CPEB3: variants seen among roughly 807,000 people sequenced by gnomAD.
CPEB3 encodes cytoplasmic polyadenylation element-binding protein 3.
Under a neutral mutation model 67.2 loss-of-function variants are expected in CPEB3, and 20 were observed. The observed-to-expected ratio is 0.30, with a 90% CI of 0.21 to 0.43. The LOEUF (loss-of-function observed/expected upper bound fraction) is 0.43, where lower values mean the gene tolerates loss of function less well. CPEB3 is among the 20% of genes least tolerant of loss of function. The pLI is 1.00. For synonymous variants in CPEB3, 376 were observed against 393.1 expected (o/e 0.96, Z 0.51); for missense variants, 746 against 968.6 (o/e 0.77, Z 3.05).
At chr10:92,055,702 G>T (rs1433212987) in intron 9 of CPEB3, among the ~76,000 whole-genome samples, 1 of 151,924 alleles carries the variant, frequency 6.6e-6, no homozygotes, top group African/African-American at 2.4e-5. Context: ...AGTTTGTGAA[G>T]AGCTGAACAT....
chr10:92,147,077 G>T (rs1355934289), intron 4 of CPEB3, among the ~76,000 whole-genome samples: 1 of 152,168 alleles, frequency 6.6e-6, no homozygotes, highest in African/African-American at 2.4e-5. Context: ...TGGGGAAGGG[G>T]AAATGAAATA....
intron 1 of CPEB3, among the ~76,000 whole-genome samples, chr10:92,281,938 G>C (rs1842313967): frequency 6.6e-6 from 1 of 152,210 alleles, no homozygotes; most frequent in Non-Finnish European, 1.5e-5. Flanking sequence ...TTATGAAATA[G>C]TCTTGACTTC....
At chr10:92,171,322 AAGAACACT>A (rs1847989978) in intron 4 of CPEB3, among the ~76,000 whole-genome samples, 1 of 152,230 alleles carries the variant, frequency 6.6e-6, no homozygotes. Context: ...AGGGAAAAGA[AAGAACACT>A]ACGATATGCA....
At chr10:92,164,601 T>C (rs997786752) in intron 4 of CPEB3, among the ~76,000 whole-genome samples, 2 of 152,246 alleles carry the variant, frequency 1.3e-5, no homozygotes, top group Non-Finnish European at 1.5e-5. Flanking sequence ...GATTAATTCA[T>C]GTTGTTACAT....
intron 2 of CPEB3, among the ~76,000 whole-genome samples, chr10:92,212,566 A>C (rs186579287): frequency 1.3e-5 from 2 of 152,168 alleles, no homozygotes; most frequent in East Asian, 3.9e-4. Flanking sequence ...ATATATCCTC[A>C]TTGTCCAATA....
chr10:92,169,063 T>G (rs1847884083), intron 4 of CPEB3, among the ~76,000 whole-genome samples: 1 of 151,938 alleles, frequency 6.6e-6, no homozygotes, highest in African/African-American at 2.4e-5. Flanking sequence ...CCCAAAGTAC[T>G]GAGATCACAG....
At chr10:92,260,499 C>T (rs1310262615) in intron 1 of CPEB3, among the ~76,000 whole-genome samples, 1 of 149,328 alleles carries the variant, frequency 6.7e-6, no homozygotes, top group East Asian at 2.0e-4. Flanking sequence ...TTCAGTGAGC[C>T]GGGACCACAC....
chr10:92,115,456 C>T (rs1423418244), intron 6 of CPEB3, among the ~76,000 whole-genome samples: 1 of 152,166 alleles, frequency 6.6e-6, no homozygotes, highest in East Asian at 1.9e-4. Flanking sequence ...CTGGCCGGGA[C>T]TTAGATTTAT....
At chr10:92,061,343 C>T (rs545511071) in intron 9 of CPEB3, among the ~76,000 whole-genome samples, 21 of 144,826 alleles carry the variant, frequency 1.5e-4, no homozygotes, top group East Asian at 4.3e-4. Context: ...CGCTTGAACC[C>T]GGGAGGTGGA....
At chr10:92,188,896 T>C (rs539728365) in intron 3 of CPEB3, among the ~76,000 whole-genome samples, 1 of 152,258 alleles carries the variant, frequency 6.6e-6, no homozygotes, top group African/African-American at 2.4e-5. Flanking sequence ...CTTTTAAAAT[T>C]TCCTACAAAT....
rs187454138 is a variant in CPEB3 at position 92,120,995 on chromosome 10, C to T, written c.1454-9801G>A. 3.3e-5 allele frequency among the ~76,000 whole-genome samples: 5 copies of T among 150,478 alleles called. No individual in the cohort carries two copies. In the East Asian group the frequency reaches 9.8e-4, roughly 29 times the overall value. On this transcript the variant is annotated intron_variant, in intron 6 of 9. Coordinates refer to ENST00000265997, the MANE Select transcript of CPEB3 (RefSeq NM_014912.5). Reference sequence around the variant, plus strand: ...GGATTACAGGCATGAGCCACTGTGCCCAGCCTACAACTTACTTTTTTTTTT... The same window carrying T: ...GGATTACAGGCATGAGCCACTGTGCTCAGCCTACAACTTACTTTTTTTTTT...
At chr10:92,155,359 G>C (rs929322911) in intron 4 of CPEB3, among the ~76,000 whole-genome samples, 15 of 152,160 alleles carry the variant, frequency 9.9e-5, no homozygotes, top group African/African-American at 3.6e-4. Flanking sequence ...ATGTTAATTA[G>C]AGGAAAGGGA....
chr10:92,047,177 T>TA lies in CPEB3; in HGVS notation c.*5034dup, dbSNP rs1231015704. ...CCACTTCTTGACCCATTTTGGGGTA[T>TA]AAAGTCAACAGCATTAATTATAAAA... is the stretch of plus-strand genomic sequence containing the variant. On this transcript the variant is annotated 3_prime_UTR_variant, in exon 10 of 10. Transcript: ENST00000265997. The TA allele has an allele frequency of 6.6e-6, 1 of 151,936 alleles. No homozygotes were observed. The highest frequency in any genetic ancestry group is 2.4e-5 in the African/African-American group (1 of 41,384). The allele number at this position is 151,936 out of a possible 1,614,324, so 9.4% of individuals were successfully genotyped here. A position where few individuals can be genotyped will look rare whatever the true frequency, so the allele number is the denominator to read the frequency against.
chr10:92,289,503 C>CT (rs1842698729), intron 1 of CPEB3, among the ~76,000 whole-genome samples: 1 of 151,774 alleles, frequency 6.6e-6, no homozygotes, highest in Admixed American at 6.6e-5. Flanking sequence ...GACAGCGCCA[C>CT]TGCACTCCAG....
intron 8 of CPEB3, among the ~76,000 whole-genome samples, chr10:92,085,007 T>C (rs572820185): frequency 1.3e-5 from 2 of 152,324 alleles, no homozygotes; most frequent in East Asian, 3.9e-4. Context: ...CAGCATACTT[T>C]ATTAAGCATA....
chr10:92,225,792 C>G lies in CPEB3; in HGVS notation c.1005+13554G>C, dbSNP rs1360593860. ...ACCAAAACATTAAGAGTATTTGAAT[C>G]TGATTAATAGAATTATGGGCAATTG... On this transcript the variant is annotated intron_variant, in intron 2 of 9. Coordinates refer to ENST00000265997, the MANE Select transcript of CPEB3 (RefSeq NM_014912.5). Among the ~76,000 whole-genome samples the G allele has an allele frequency of 1.4e-4, 21 of 152,144 alleles. No individual in the cohort carries two copies. The East Asian group carries it at 3.9e-3, about 28-fold the overall frequency.
intron 2 of CPEB3, among the ~76,000 whole-genome samples, chr10:92,227,346 T>C (rs939565671): frequency 6.6e-6 from 1 of 152,244 alleles, no homozygotes; most frequent in African/African-American, 2.4e-5. Context: ...ATATTTGTGT[T>C]AGTAGTATCT....
At chr10:92,265,628 A>G (rs1180962490) in intron 1 of CPEB3, among the ~76,000 whole-genome samples, 1 of 151,552 alleles carries the variant, frequency 6.6e-6, no homozygotes, top group Non-Finnish European at 1.5e-5. Context: ...AGTGACCTGT[A>G]ATCCCAGCAA....
At chr10:92,127,260 C>T (rs1845644355) in intron 6 of CPEB3, among the ~76,000 whole-genome samples, 1 of 152,064 alleles carries the variant, frequency 6.6e-6, no homozygotes, top group East Asian at 1.9e-4. Context: ...CCAGCCTGGA[C>T]CCCATCTCTA....
Sources: allele counts gnomAD v4.1 joint callset (sites outside exome capture counted in the v4.1 genomes callset), GRCh38; gene constraint gnomAD v4.1.1; transcripts MANE v1.5; gene names NCBI Gene and HGNC (gene_info 2026-07-23, HGNC 2026-07-21).